The following GRM3 variants were observed in gnomAD, a reference collection of about 807,000 sequenced individuals.
The protein encoded by GRM3 is metabotropic glutamate receptor 3.
Under a neutral mutation model 70.5 loss-of-function variants are expected in GRM3, and 26 were observed. That is an observed-to-expected ratio of 0.37 (90% CI 0.27 to 0.51). The LOEUF (loss-of-function observed/expected upper bound fraction) is 0.51. Among genes scored for constraint, GRM3 ranks in the 20% least tolerant of loss-of-function variants. The probability of loss-of-function intolerance (pLI) is 0.93; values close to 1 mark genes in which losing one functional copy is unlikely to be tolerated. For synonymous variants in GRM3, 443 were observed against 434.9 expected, an observed-to-expected ratio of 1.02 and a Z score of -0.23; for missense variants, 859 against 1,123.8, an observed-to-expected ratio of 0.76 and a Z score of 3.37.
chr7:86,859,383 A>C (rs1311291154), intron 5 of GRM3, among the ~76,000 whole-genome samples: 1 of 152,188 alleles, frequency 6.6e-6, no homozygotes, highest in African/African-American at 2.4e-5. Flanking sequence ...TCTATTATTC[A>C]ATCACCAGAT....
chr7:86,768,348 G>A (rs1277062508), intron 2 of GRM3, among the ~76,000 whole-genome samples: 1 of 152,166 alleles, frequency 6.6e-6, no homozygotes, highest in Non-Finnish European at 1.5e-5. Context: ...AGTCATTGCT[G>A]GTTTCCCACA....
chr7:86,722,542 A>G (rs1795492775), intron 1 of GRM3, among the ~76,000 whole-genome samples: 1 of 145,272 alleles, frequency 6.9e-6, no homozygotes, highest in Non-Finnish European at 1.5e-5. Flanking sequence ...CCTAAGTGGG[A>G]GTTGAACAAT....
chr7:86,714,726 G>C (rs942099413), intron 1 of GRM3, among the ~76,000 whole-genome samples: 1 of 151,946 alleles, frequency 6.6e-6, no homozygotes, highest in African/African-American at 2.4e-5. Context: ...AAACAGTATA[G>C]GATAAGCATG....
chr7:86,690,051 G>A (rs1475895249), intron 1 of GRM3, among the ~76,000 whole-genome samples: 1 of 147,158 alleles, frequency 6.8e-6, no homozygotes, highest in Non-Finnish European at 1.5e-5. Flanking sequence ...TAAAATGAAA[G>A]TAACAGAAAT....
At chr7:86,826,964 A>C (rs1383620912) in intron 3 of GRM3, among the ~76,000 whole-genome samples, 3 of 152,216 alleles carry the variant, frequency 2.0e-5, no homozygotes, top group Middle Eastern at 3.2e-3. Flanking sequence ...AGTTCCTGAG[A>C]TGATTCTAAT....
chr7:86,796,098 G>A (rs1797542746), intron 3 of GRM3, among the ~76,000 whole-genome samples: 2 of 152,006 alleles, frequency 1.3e-5, no homozygotes, highest in Non-Finnish European at 2.9e-5. Flanking sequence ...TTGCTTTTGT[G>A]GCAATTGCTT....
intron 1 of GRM3, among the ~76,000 whole-genome samples, chr7:86,763,573 A>G (rs149942917): frequency 2.8e-4 from 43 of 152,278 alleles, no homozygotes; most frequent in African/African-American, 1.0e-3. Context: ...TGATCCTCAC[A>G]GCAAGGCTTT....
chr7:86,793,935 A>G (rs910323330), intron 3 of GRM3, among the ~76,000 whole-genome samples: 32 of 152,280 alleles, frequency 2.1e-4, no homozygotes, highest in African/African-American at 7.5e-4. Flanking sequence ...AATGGATCAT[A>G]CCACCTTGCT....
chr7:86,813,061 T>G (rs1208218404), intron 3 of GRM3, among the ~76,000 whole-genome samples: 1 of 151,836 alleles, frequency 6.6e-6, no homozygotes, highest in Non-Finnish European at 1.5e-5. Flanking sequence ...TCATCAGAAC[T>G]TCTAGAGTTA....
intron 3 of GRM3, among the ~76,000 whole-genome samples, chr7:86,831,889 G>A (rs759145887): frequency 1.3e-5 from 2 of 150,082 alleles, no homozygotes; most frequent in African/African-American, 2.5e-5. Context: ...TTTTCCACAC[G>A]TAAGACTGAG....
chr7:86,810,095 G>T (rs1268448266), intron 3 of GRM3, among the ~76,000 whole-genome samples: 5 of 152,042 alleles, frequency 3.3e-5, no homozygotes, highest in Non-Finnish European at 7.4e-5. Flanking sequence ...TAGCACTGTT[G>T]CCTTTTCACC....
At chr7:86,831,176 T>C (rs559514482) in intron 3 of GRM3, among the ~76,000 whole-genome samples, 8 of 152,112 alleles carry the variant, frequency 5.3e-5, no homozygotes, top group Non-Finnish European at 1.0e-4. Context: ...GAAAGTAAGA[T>C]AGTGATTGCC....
chr7:86,821,935 G>C (rs2116687126), intron 3 of GRM3, among the ~76,000 whole-genome samples: 1 of 151,218 alleles, frequency 6.6e-6, no homozygotes, highest in South Asian at 2.1e-4. Flanking sequence ...ATCTGGCTTA[G>C]AGCAACTTTT....
At chr7:86,861,807 G>C (rs1389033496) in intron 5 of GRM3, among the ~76,000 whole-genome samples, 1 of 152,196 alleles carries the variant, frequency 6.6e-6, no homozygotes, top group Non-Finnish European at 1.5e-5. Context: ...CACTGGAAGT[G>C]CATATGTAGG....
At chr7:86,723,369 G>A (rs1795519259) in intron 1 of GRM3, among the ~76,000 whole-genome samples, 1 of 152,104 alleles carries the variant, frequency 6.6e-6, no homozygotes, top group African/African-American at 2.4e-5. Context: ...CTAGTACATA[G>A]AGAAATATTA....
At chr7:86,806,969 G>A (rs1584256806) in intron 3 of GRM3, among the ~76,000 whole-genome samples, 1 of 146,522 alleles carries the variant, frequency 6.8e-6, no homozygotes, top group Non-Finnish European at 1.5e-5. Context: ...CATATGGCTA[G>A]CCAGTTTTCC....
intron 1 of GRM3, among the ~76,000 whole-genome samples, chr7:86,682,944 C>T (rs1794476304): frequency 6.6e-6 from 1 of 152,088 alleles, no homozygotes; most frequent in African/African-American, 2.4e-5. Flanking sequence ...TCCATAGTTA[C>T]CATGCTGAGG....
chr7:86,759,667 T>C (rs866620087), intron 1 of GRM3, among the ~76,000 whole-genome samples: 10 of 152,196 alleles, frequency 6.6e-5, no homozygotes, highest in South Asian at 2.1e-4. Context: ...ATGATCCTCA[T>C]GATAAACATA....
intron 3 of GRM3, among the ~76,000 whole-genome samples, chr7:86,825,242 G>C (rs543742181): frequency 6.6e-6 from 1 of 152,182 alleles, no homozygotes; most frequent in Non-Finnish European, 1.5e-5. Context: ...TAACCCTTAC[G>C]TTAAAAGGGA....
Sources: gnomAD v4.1 joint callset for allele counts (sites outside exome capture counted in the v4.1 genomes callset) on GRCh38, gnomAD v4.1.1 for gene constraint, MANE v1.5 for transcripts, NCBI Gene and HGNC (gene_info 2026-07-23, HGNC 2026-07-21) for gene names.